STK36: variants seen among roughly 807,000 people sequenced by gnomAD.
The protein encoded by STK36 is serine/threonine kinase 36, also known as serine/threonine-protein kinase 36.
Under a neutral mutation model 142.2 loss-of-function variants are expected in STK36, and 116 were observed. The observed-to-expected ratio is 0.82, with a 90% CI of 0.70 to 0.95. STK36 has a LOEUF of 0.95. Among genes scored for constraint, STK36 ranks in the 40% least tolerant of loss-of-function variants. The pLI is 0.00. For missense variants in STK36, 1,422 were observed against 1,617.2 expected, an observed-to-expected ratio of 0.88 and a Z score of 2.07; for synonymous variants, 619 against 641.7, an observed-to-expected ratio of 0.96 and a Z score of 0.53.
rs1203893133 is a variant in STK36, at chr2:218,697,165, T to C, written c.2713T>C (p.Ser905Pro). Reference protein sequence around the residue: ...ASAQEGELSLSSPPSPEPDWT... With the variant: ...ASAQEGELSLPSPPSPEPDWT... The stretch of plus-strand genomic sequence containing the variant: ...TGCACAGGAAGGGGAGCTTTCGCTA[T>C]CCAGTCCACCAAGCCCTGAGCCAGA... Residue 905 changes from serine to proline, a missense_variant, in exon 23 of 27, where the codon TCC becomes CCC. Transcript: ENST00000295709. 6.2e-7 allele frequency: 1 copy of C among 1,614,140 alleles called. No homozygotes were observed. Among genetic ancestry groups the C allele is most frequent in the South Asian group, 1.1e-5 (1 of 91,066 alleles).
At position 218,673,904 on chromosome 2, in the gene STK36, A is replaced by C; in HGVS notation, c.251A>C (p.Glu84Ala). 1 of 1,614,154 alleles carries C rather than the reference A, an allele frequency of 6.2e-7. No homozygotes were observed. Among genetic ancestry groups the C allele is most frequent in the East Asian group, 2.2e-5 (1 of 44,880 alleles). ...GTGGTGGTGGTGACAGACTATGCTG[A>C]GGGAGAGCTCTTTCAGATCCTAGAA... Reference protein sequence around the residue: ...KEVVVVTDYAEGELFQILEDD... With the variant: ...KEVVVVTDYAAGELFQILEDD... The change falls in exon 4 of 27, where the codon GAG becomes GCG. Residue 84 changes from glutamate to alanine, a missense_variant. Physicochemically the swap from Glu to Ala is moderately radical, Grantham distance 107 (BLOSUM62 -1). This residue lies in a region of STK36 where 460 missense variants were observed against 449.6 expected (regional missense o/e 1.02). Coordinates refer to ENST00000295709, the MANE Select transcript of STK36 (RefSeq NM_015690.5).
chr2:218,692,299 C>T lies in STK36; in HGVS notation c.1915+6C>T, dbSNP rs1941034526. 1.2e-6 allele frequency: 2 copies of T among 1,613,910 alleles called. No individual in the cohort carries two copies. Among genetic ancestry groups the T allele is most frequent in the African/African-American group, 2.7e-5 (2 of 74,932 alleles). On this transcript the variant is annotated splice_donor_region_variant and intron_variant, in intron 15 of 26. Coordinates refer to ENST00000295709, the MANE Select transcript of STK36 (RefSeq NM_015690.5). Reference sequence around the variant, plus strand: ...CCCTGTCCACACTCCCCAAGGTAACCAGAGTGGAGAAGGGAGGTTCTCTTG... The same window carrying T: ...CCCTGTCCACACTCCCCAAGGTAACTAGAGTGGAGAAGGGAGGTTCTCTTG...
intron 10 of STK36, among the ~76,000 whole-genome samples, chr2:218,684,229 TG>T (rs1427835600): frequency 2.0e-5 from 3 of 150,254 alleles, no homozygotes; most frequent in Non-Finnish European, 3.0e-5. Flanking sequence ...ATCCTGCCTC[TG>T]CCTCCCGAGT....
chr2:218,675,455 T>C lies in STK36; in HGVS notation c.416T>C (p.Ile139Thr), dbSNP rs770717807. Residue 139 changes from isoleucine (I) to threonine (T), a missense_variant, in exon 5 of 27, where the codon ATC (isoleucine) becomes ACC (threonine). By Grantham distance (89) the Ile-to-Thr change is moderately conservative. Around this residue, in one of 2 missense-constraint regions of STK36, gnomAD observed 460 missense variants for 449.6 expected, o/e 1.02. Transcript: ENST00000295709. ...ATCCTCCTCGCCAAGGGTGGTGGCA[T>C]CAAGCTCTGTGACTTTGGGTAAAGA... is the stretch of plus-strand genomic sequence containing the variant. ...QNILLAKGGG[I>T]KLCDFGFARA... 6.2e-7 allele frequency: 1 copy of C among 1,606,768 alleles called. No homozygotes were observed. The highest frequency in any genetic ancestry group is 1.1e-5 in the South Asian group (1 of 90,928).
intron 5 of STK36, 117 bp downstream of exon 5, chr2:218,675,590 T>C: frequency 8.0e-7 from 1 of 1,248,198 alleles, no homozygotes; most frequent in Non-Finnish European, 1.1e-6. Flanking sequence ...AATGGTGCGA[T>C]CTCCACTCAC....
At chr2:218,690,631 A>T (rs1230809177) in intron 14 of STK36, 76 bp downstream of exon 14, 1 of 1,143,052 alleles carries the variant, frequency 8.7e-7, no homozygotes, top group Admixed American at 1.8e-5. Context: ...TCTTATGACT[A>T]TGTAGGGTCA....
chr2:218,690,746 G>A (rs189818346), intron 14 of STK36, among the ~76,000 whole-genome samples, 191 bp downstream of exon 14: 28 of 152,344 alleles, frequency 1.8e-4, no homozygotes, highest in Admixed American at 1.5e-3. Context: ...ATTTAATAGG[G>A]GAGAGGTAAA....
chr2:218,681,523 C>T (rs952811675), intron 10 of STK36, among the ~76,000 whole-genome samples: 8 of 151,998 alleles, frequency 5.3e-5, no homozygotes, highest in Admixed American at 5.2e-4. Context: ...CAAATAATTC[C>T]TGTGTATACC....
intron 10 of STK36, among the ~76,000 whole-genome samples, chr2:218,681,092 A>G (rs1940497975): frequency 6.7e-6 from 1 of 149,154 alleles, no homozygotes; most frequent in South Asian, 2.1e-4. Context: ...ATAATCTGGG[A>G]TCTTTCTACA....
chr2:218,699,233 A>G lies in STK36; in HGVS notation c.3689A>G (p.Gln1230Arg), dbSNP rs1029808783. 13 of 1,613,844 alleles carry G rather than the reference A, an allele frequency of 8.1e-6. No homozygotes were observed. The highest frequency in any genetic ancestry group is 5.3e-5 in the African/African-American group (4 of 74,892). Residue 1230 changes from glutamine to arginine, a missense_variant, in exon 26 of 27, where the codon CAG becomes CGG. Physicochemically the swap from Gln to Arg is conservative, Grantham distance 43. Transcript: ENST00000295709. ...GAAGGTTTGGGAGAGGAGCTGTTAC[A>G]GTGCGAAGTACCCCAGCGGCTCCTA... ...GPEGLGEELLQCEVPQRLLEM... is the reference protein window; with the variant it reads ...GPEGLGEELLRCEVPQRLLEM...
At chr2:218,700,037 C>T (rs1403004985) in intron 26 of STK36, among the ~76,000 whole-genome samples, 2 of 152,050 alleles carry the variant, frequency 1.3e-5, no homozygotes, top group Non-Finnish European at 2.9e-5. Flanking sequence ...AGTTCTCCTG[C>T]CTTAGCCTCC....
At position 218,700,452 on chromosome 2, in the gene STK36, A is replaced by C. The variant is rs1460386972; in HGVS notation, c.3804+1104A>C. ...AGTCTCGCTCTGTTGCCCAGGCTGG[A>C]GTACAATGGCACAATGTTGGCTCAC... On this transcript the variant is annotated intron_variant, in intron 26 of 26. Transcript: ENST00000295709. 7.9e-5 allele frequency among the ~76,000 whole-genome samples: 12 copies of C among 151,680 alleles called. No homozygotes were observed. The South Asian group carries it at 2.3e-3, about 29-fold the overall frequency.
chr2:218,674,138 A>T (rs1361873858), intron 4 of STK36, among the ~76,000 whole-genome samples, 182 bp downstream of exon 4: 2 of 152,224 alleles, frequency 1.3e-5, no homozygotes, highest in African/African-American at 4.8e-5. Flanking sequence ...GAGTCAAAAT[A>T]TCTGAGCAGG....
In STK36 at chr2:218,699,089, A is replaced by T. The variant is rs770117850; in HGVS notation, c.3545A>T (p.Gln1182Leu). The T allele has an allele frequency of 6.2e-7, 1 of 1,614,020 alleles. No homozygotes were observed. The highest frequency in any genetic ancestry group is 1.1e-5 in the South Asian group (1 of 91,076). ...TTTGCTGTGGGCAATGCAGCCTACC[A>T]GGCTGGTCCTCTGGGACCTGCCCTG... The part of the protein sequence containing the change: ...ASFAVGNAAY[Q>L]AGPLGPALAA... The change falls in exon 26 of 27, where the codon CAG becomes CTG. Residue 1182 changes from glutamine (Q) to leucine (L), a missense_variant. By Grantham distance (113) the Gln-to-Leu change is moderately radical. Coordinates refer to ENST00000295709, the MANE Select transcript of STK36 (RefSeq NM_015690.5).
chr2:218,676,227 C>T lies in STK36; in HGVS notation c.633C>T (p.Leu211=), dbSNP rs764232641. 2.5e-6 allele frequency: 4 copies of T among 1,614,238 alleles called. No individual in the cohort carries two copies. Among genetic ancestry groups the T allele is most frequent in the East Asian group, 4.5e-5 (2 of 44,886 alleles). The stretch of plus-strand genomic sequence containing the variant: ...CAAGCATCTTTCAGCTGGTCAGCCT[C>T]ATTCTCAAGGACCCTGTGCGCTGGC... The part of the protein sequence containing the change: ...YATSIFQLVS[L]ILKDPVRWPS... Residue 211 remains leucine, a synonymous_variant, in exon 6 of 27, where the codon CTC becomes CTT. Coordinates refer to ENST00000295709, the MANE Select transcript of STK36 (RefSeq NM_015690.5).
At chr2:218,701,383 G>GC (rs1472681821) in intron 26 of STK36, among the ~76,000 whole-genome samples, 2 of 151,592 alleles carry the variant, frequency 1.3e-5, no homozygotes, top group Non-Finnish European at 2.9e-5. Context: ...CTCGTGACCC[G>GC]CCCGCCTTGG....
intron 6 of STK36, 139 bp from the exon 7 acceptor site, chr2:218,679,029 A>G: frequency 1.3e-6 from 1 of 770,544 alleles, no homozygotes; most frequent in South Asian, 1.8e-5. Context: ...ACCTGAACAA[A>G]GTTTTTAGAG....
rs148642451 is a variant in STK36 at position 218,701,764 on chromosome 2, G to A, written c.3805-102G>A. ...CCATTTCCTTTTTCTTCCTCTTCTCGAGTGGGAATTCCTGGGTAAATGAGA... is the reference window on the plus strand; with the variant it reads ...CCATTTCCTTTTTCTTCCTCTTCTCAAGTGGGAATTCCTGGGTAAATGAGA... On this transcript the variant is annotated intron_variant, in intron 26 of 26. Transcript: ENST00000295709. 777 of 1,403,252 alleles carry A rather than the reference G, an allele frequency of 5.5e-4. 2 individuals are homozygous for A. In the African/African-American group the frequency reaches 6.9e-3, roughly 13 times the overall value. The allele number at this position is 1,403,252 out of a possible 1,614,324, so 86.9% of individuals were successfully genotyped here. A position where few individuals can be genotyped will look rare whatever the true frequency, so the allele number is the denominator to read the frequency against.
intron 4 of STK36, among the ~76,000 whole-genome samples, chr2:218,674,772 G>A (rs773628640): frequency 6.6e-6 from 1 of 151,894 alleles, no homozygotes; most frequent in Non-Finnish European, 1.5e-5. Flanking sequence ...AGCTAATTTT[G>A]TACTTTTAGT....
Sources: gnomAD v4.1 joint callset for allele counts (sites outside exome capture counted in the v4.1 genomes callset) on GRCh38, gnomAD v4.1.1 for gene constraint, gnomAD v4.1.1 regional missense constraint, MANE v1.5 for transcripts, NCBI Gene and HGNC (gene_info 2026-07-23, HGNC 2026-07-21) for gene names.